Variants in UGT1A10 observed in about 807,000 individuals in gnomAD.
The protein encoded by UGT1A10 is UDP-glucuronosyltransferase 1A10.
In UGT1A10, 49 loss-of-function variants were observed where a neutral mutation model predicts 45.8. The ratio of observed to expected loss-of-function variants is 1.07; its 90% CI spans 0.85 to 1.36. UGT1A10 has a LOEUF of 1.36. UGT1A10 is among the 40% of genes most tolerant of loss of function. The pLI, the probability that UGT1A10 is intolerant of heterozygous loss-of-function variation, is 0.00. For missense variants in UGT1A10, 745 were observed against 668.6 expected (o/e 1.11, Z -1.26); for synonymous variants, 284 against 249.7 (o/e 1.14, Z -1.29).
chr2:233,704,197 T>C (rs914829161), intron 1 of UGT1A10, among the ~76,000 whole-genome samples: 5 of 151,924 alleles, frequency 3.3e-5, no homozygotes, highest in African/African-American at 1.2e-4. Context: ...GGCCCCATTT[T>C]ACTTTTTATG....
In UGT1A10 at chr2:233,761,134, C is replaced by T. The variant is rs1160983011; in HGVS notation, c.856-5900C>T. ...TGTTGGTGGAATCAACTGCCTTCAC[C>T]AAAATCCACTATCCCAGGTGTGTAT... On this transcript the variant is annotated intron_variant, in intron 1 of 4. Coordinates refer to ENST00000344644, the MANE Select transcript of UGT1A10 (RefSeq NM_019075.4). 3.7e-6 allele frequency: 6 copies of T among 1,614,160 alleles called. No homozygotes were observed. Among genetic ancestry groups the T allele is most frequent in the Non-Finnish European group, 5.1e-6 (6 of 1,180,024 alleles).
rs758216635 is a variant in UGT1A10 at position 233,672,568 on chromosome 2, A to C, written c.855+35191A>C. The C allele has an allele frequency of 1.9e-6, 3 of 1,613,800 alleles. No homozygotes were observed. The Admixed American group carries it at 5.0e-5, about 27-fold the overall frequency. On this transcript the variant is annotated intron_variant, in intron 1 of 4. Coordinates refer to ENST00000344644, the MANE Select transcript of UGT1A10 (RefSeq NM_019075.4). ...CAAGGAGAGAGTACGGAACCACATC[A>C]TGCACTTGGAGGAACATTTATTATG...
intron 1 of UGT1A10, among the ~76,000 whole-genome samples, chr2:233,746,350 C>T (rs1287151444): frequency 6.6e-6 from 1 of 151,744 alleles, no homozygotes; most frequent in Non-Finnish European, 1.5e-5. Flanking sequence ...GTTTATGTTG[C>T]TCCTTTAGTA....
chr2:233,755,676 G>A (rs1559401147), intron 1 of UGT1A10: 1 of 157,436 alleles, frequency 6.4e-6, no homozygotes, highest in Non-Finnish European at 1.4e-5. Context: ...TGGTGGGAGT[G>A]AGTTTAGTCT....
chr2:233,765,641 G>GGTCA (rs1313587077), intron 1 of UGT1A10, among the ~76,000 whole-genome samples: 3 of 151,492 alleles, frequency 2.0e-5, no homozygotes, highest in Non-Finnish European at 2.9e-5. Flanking sequence ...TTAGAGGATA[G>GGTCA]GTCAATAGGT....
rs191217588 is a variant in UGT1A10 at position 233,679,346 on chromosome 2, T to G, written c.855+41969T>G. Among the ~76,000 whole-genome samples the G allele has an allele frequency of 6.8e-4, 103 of 152,320 alleles. 1 individual carries two copies. The highest frequency in any genetic ancestry group is 2.0e-3 in the African/African-American group (82 of 41,572). On this transcript the variant is annotated intron_variant, in intron 1 of 4. Coordinates refer to ENST00000344644, the MANE Select transcript of UGT1A10 (RefSeq NM_019075.4). Reference sequence around the variant, plus strand: ...CGCGTTCTTATTGTTGAGTCCTTCTTTTTGTACAACAATAAAACTGTCAGT... The same window carrying G: ...CGCGTTCTTATTGTTGAGTCCTTCTGTTTGTACAACAATAAAACTGTCAGT...
chr2:233,661,414 G>T (rs2073960809), intron 1 of UGT1A10, among the ~76,000 whole-genome samples: 1 of 152,092 alleles, frequency 6.6e-6, no homozygotes, highest in African/African-American at 2.4e-5. Context: ...CAGTTTCTCA[G>T]TAAGACCTTT....
At chr2:233,736,043 T>C (rs984870391) in intron 1 of UGT1A10, among the ~76,000 whole-genome samples, 7 of 152,202 alleles carry the variant, frequency 4.6e-5, no homozygotes, top group South Asian at 2.1e-4. Context: ...TTTCCTGAAT[T>C]TGAATGTTGG....
chr2:233,698,978 A>T (rs1168446883), intron 1 of UGT1A10, among the ~76,000 whole-genome samples: 1 of 152,192 alleles, frequency 6.6e-6, no homozygotes, highest in Non-Finnish European at 1.5e-5. Flanking sequence ...CCCTTTGGCC[A>T]CCCAGGTGGT....
Position 233,636,802 on chromosome 2 carries a change from GC to G in UGT1A10, c.283del (p.His95MetfsTer15). 1.9e-6 allele frequency: 3 copies of G among 1,614,156 alleles called. No homozygotes were observed. The highest frequency in any genetic ancestry group is 2.5e-6 in the Non-Finnish European group (3 of 1,180,022). On this transcript the variant is annotated frameshift_variant, in exon 1 of 5. Coordinates refer to ENST00000344644, the MANE Select transcript of UGT1A10 (RefSeq NM_019075.4). LOFTEE classifies it high-confidence loss of function. ...EDQNREFMVF[A>X]HAQWKAQAQS... is the part of the protein sequence containing the mutation. ...TCAGAACCGGGAATTCATGGTTTTC[GC>G]CCATGCTCAATGGAAAGCACAGGCA...
intron 1 of UGT1A10, among the ~76,000 whole-genome samples, chr2:233,730,410 A>G (rs1377970337): frequency 1.3e-5 from 2 of 152,224 alleles, no homozygotes; most frequent in African/African-American, 4.8e-5. Flanking sequence ...ACAATTGTTG[A>G]CATGATAATT....
At chr2:233,682,227 G>A (rs1227040753) in intron 1 of UGT1A10, 6 of 1,614,074 alleles carry the variant, frequency 3.7e-6, no homozygotes, top group African/African-American at 1.3e-5. Flanking sequence ...GCCGATGCTC[G>A]CTGGACGGCA....
intron 1 of UGT1A10, among the ~76,000 whole-genome samples, chr2:233,685,285 C>T (rs4338954): frequency 2.0e-5 from 3 of 151,892 alleles, no homozygotes; most frequent in Admixed American, 1.3e-4. Context: ...CGCCCGCCTC[C>T]GCCTTTCAAA....
At chr2:233,725,472 G>A (rs2125714310) in intron 1 of UGT1A10, among the ~76,000 whole-genome samples, 1 of 152,100 alleles carries the variant, frequency 6.6e-6, no homozygotes, top group East Asian at 1.9e-4. Context: ...TAGTGGGCAT[G>A]TTAGAAACCA....
chr2:233,713,640 C>A (rs2076335946), intron 1 of UGT1A10: 5 of 1,613,940 alleles, frequency 3.1e-6, no homozygotes, highest in Non-Finnish European at 4.2e-6. Flanking sequence ...CATGCTCTAC[C>A]CTCTGGCCCT....
rs58597806 is a variant in UGT1A10, at chr2:233,672,700, G to A, written c.855+35323G>A. 9.5e-5 allele frequency: 153 copies of A among 1,613,898 alleles called. 3 individuals are homozygous for A. The East Asian group carries it at 3.4e-3, about 36-fold the overall frequency. The stretch of plus-strand genomic sequence containing the variant: ...CACATCAATTTGGTTGTTGCGAACG[G>A]ACTTTGTTTTGGACTATCCCAAACC... On this transcript the variant is annotated intron_variant, in intron 1 of 4. Coordinates refer to ENST00000344644, the MANE Select transcript of UGT1A10 (RefSeq NM_019075.4).
chr2:233,670,644 T>A (rs1052619044), intron 1 of UGT1A10, among the ~76,000 whole-genome samples: 9 of 152,216 alleles, frequency 5.9e-5, no homozygotes, highest in African/African-American at 2.2e-4. Flanking sequence ...TGGTGTGGTG[T>A]CTATTCATTC....
intron 1 of UGT1A10, among the ~76,000 whole-genome samples, chr2:233,664,498 C>G (rs1455516887): frequency 6.6e-6 from 1 of 152,196 alleles, no homozygotes; most frequent in Non-Finnish European, 1.5e-5. Flanking sequence ...ATTTTGCAGG[C>G]TGTACAAGCA....
At chr2:233,693,871 T>G in intron 1 of UGT1A10, 1 of 1,614,106 alleles carries the variant, frequency 6.2e-7, no homozygotes, top group Non-Finnish European at 8.5e-7. Flanking sequence ...CTCAGGTTGG[T>G]GGGTTTATTT....
Sources: gnomAD v4.1 joint callset for allele counts (sites outside exome capture counted in the v4.1 genomes callset) on GRCh38, gnomAD v4.1.1 for gene constraint, MANE v1.5 for transcripts, NCBI Gene and HGNC (gene_info 2026-07-23, HGNC 2026-07-21) for gene names.